Variants in ADGRL3 observed in about 807,000 individuals in gnomAD.
The protein encoded by ADGRL3 is adhesion G protein-coupled receptor L3.
A neutral mutation model predicts 153.5 loss-of-function variants in ADGRL3; 62 were observed. The observed-to-expected ratio is 0.40, with a 90% confidence interval of 0.33 to 0.50. The LOEUF (loss-of-function observed/expected upper bound fraction) is 0.50, where lower values mean the gene tolerates loss of function less well. Ranked by LOEUF, ADGRL3 falls within the 20% of genes least tolerant of loss-of-function variation. The pLI is 0.47. For synonymous variants in ADGRL3, 710 were observed against 672.5 expected (o/e 1.06, Z -0.86); for missense variants, 1,641 against 1,859.4 (o/e 0.88, Z 2.16).
chr4:61,421,051 C>T (rs527268772), intron 2 of ADGRL3, among the ~76,000 whole-genome samples: 2 of 152,204 alleles, frequency 1.3e-5, no homozygotes, highest in South Asian at 2.1e-4. Flanking sequence ...TGGCTCACAC[C>T]TGTAATCCCA....
At chr4:61,636,511 A>G (rs7675385) in intron 5 of ADGRL3, among the ~76,000 whole-genome samples, 61,030 of 151,854 alleles carry the variant, frequency 0.4, 13,679 homozygotes, top group African/African-American at 0.58. Context: ...CCACCAAAAT[A>G]TCTTTTAAAA....
intron 25 of ADGRL3, among the ~76,000 whole-genome samples, chr4:62,052,870 G>A (rs1260911042): frequency 3.3e-5 from 5 of 150,894 alleles, no homozygotes; most frequent in Non-Finnish European, 7.4e-5. Flanking sequence ...AGTAATGCCT[G>A]GAATAAGTAG....
At chr4:61,468,695 A>G (rs375132162) in intron 2 of ADGRL3, among the ~76,000 whole-genome samples, 3 of 152,216 alleles carry the variant, frequency 2.0e-5, no homozygotes, top group East Asian at 3.9e-4. Context: ...GTGAGACACC[A>G]TGGTTTCTTG....
rs185556418 is a variant in ADGRL3 at position 61,660,262 on chromosome 4, T to C, written c.474-16564T>C. On this transcript the variant is annotated intron_variant, in intron 5 of 26. Transcript: ENST00000683033. ...TACAGTTTCCCACACCATGTTAACT[T>C]TGATGTAAGGAGGTAAAGCTCTGTC... is the stretch of plus-strand genomic sequence containing the variant. 1.3e-3 allele frequency among the ~76,000 whole-genome samples: 205 copies of C among 152,298 alleles called. 2 individuals carry two copies. In the East Asian group the frequency reaches 0.024, roughly 17 times the overall value.
chr4:61,356,414 C>G (rs1329140687), intron 1 of ADGRL3, among the ~76,000 whole-genome samples: 1 of 151,524 alleles, frequency 6.6e-6, no homozygotes, highest in Non-Finnish European at 1.5e-5. Context: ...AAAAGTGATT[C>G]TAGATATTAA....
Position 61,945,589 on chromosome 4 carries a change from T to C in ADGRL3, c.2420-1325T>C, listed in dbSNP as rs536496728. 2.9e-3 allele frequency among the ~76,000 whole-genome samples: 384 copies of C among 133,818 alleles called. 5 individuals are homozygous for C. Among genetic ancestry groups the C allele is most frequent in the South Asian group, 0.026 (93 of 3,574 alleles). The allele number at this position is 133,818 out of a possible 152,430, so 87.8% of individuals were successfully genotyped here. Reference sequence around the variant, plus strand: ...ACTGCTGTGCTAGCAATCAGCGAGATTCCGTGGGCGTAGGACCCTCTGAGC... The same window carrying C: ...ACTGCTGTGCTAGCAATCAGCGAGACTCCGTGGGCGTAGGACCCTCTGAGC... On this transcript the variant is annotated intron_variant, in intron 15 of 26. Transcript: ENST00000683033.
rs2097989943 is a variant in ADGRL3, at chr4:61,473,212, TGTGTGTGTG to T, written c.-173-23908_-173-23900del. Among the ~76,000 whole-genome samples the T allele has an allele frequency of 7.6e-3, 4 of 524 alleles. No homozygotes were observed. The Admixed American group carries it at 0.12, about 15-fold the overall frequency. The allele number at this position is 524 out of a possible 152,430, so 0.3% of individuals were successfully genotyped here. On this transcript the variant is annotated intron_variant, in intron 2 of 26. Transcript: ENST00000683033. ...AAAAACACCTATTTGTATGTGTTTG[TGTGTGTGTG>T]TGTGTGTGTGTGTGTGTGTGTGGTC...
At chr4:61,926,102 G>A (rs1405554977) in intron 13 of ADGRL3, among the ~76,000 whole-genome samples, 2 of 151,976 alleles carry the variant, frequency 1.3e-5, no homozygotes, top group Non-Finnish European at 2.9e-5. Flanking sequence ...ATAACACAAT[G>A]GTATTTGTGT....
In ADGRL3 at chr4:61,201,469, A is replaced by G. The variant is rs1231347508; in HGVS notation, c.-536A>G. On this transcript the variant is annotated 5_prime_UTR_variant, in exon 1 of 27. Coordinates refer to ENST00000683033, the MANE Select transcript of ADGRL3 (RefSeq NM_001387552.1). ...CCCCCTTGGGGTGTGTGAAGCGAGG[A>G]ACGTAAAGGAAGGCGAACATTTGGC... 6.6e-6 allele frequency: 1 copy of G among 152,312 alleles called. No individual in the cohort carries two copies. The highest frequency in any genetic ancestry group is 1.5e-5 in the Non-Finnish European group (1 of 68,048). The allele number at this position is 152,312 out of a possible 1,614,324, so 9.4% of individuals were successfully genotyped here.
chr4:61,817,221 G>T (rs1167064012), intron 9 of ADGRL3, among the ~76,000 whole-genome samples: 1 of 151,018 alleles, frequency 6.6e-6, no homozygotes, highest in African/African-American at 2.4e-5. Context: ...GAGGCAGACA[G>T]GTTCCCGGGC....
intron 1 of ADGRL3, among the ~76,000 whole-genome samples, chr4:61,231,427 G>T (rs1399907135): frequency 1.3e-5 from 2 of 152,190 alleles, no homozygotes; most frequent in Admixed American, 1.3e-4. Flanking sequence ...AATTTCTAGG[G>T]GTTGTGGGGG....
chr4:61,679,424 G>A (rs762876260), intron 6 of ADGRL3, among the ~76,000 whole-genome samples: 1 of 151,868 alleles, frequency 6.6e-6, no homozygotes, highest in Admixed American at 6.6e-5. Context: ...CAAAAAGCTA[G>A]GTCCTTTTCC....
At chr4:61,825,218 A>G (rs2097790020) in intron 9 of ADGRL3, among the ~76,000 whole-genome samples, 1 of 152,228 alleles carries the variant, frequency 6.6e-6, no homozygotes, top group Admixed American at 6.5e-5. Context: ...CCTGCATTTA[A>G]TCCTGATATC....
At position 61,869,936 on chromosome 4, in the gene ADGRL3, T is replaced by TAAAAAA. The variant is rs1190618911; in HGVS notation, c.1481-22700_1481-22695dup. Among the ~76,000 whole-genome samples the TAAAAAA allele has an allele frequency of 2.9e-3, 30 of 10,506 alleles. 9 individuals carry two copies. Among genetic ancestry groups the TAAAAAA allele is most frequent in the Non-Finnish European group, 5.4e-3 (21 of 3,912 alleles). 6.9% of individuals were successfully genotyped at this position (10,506 alleles called of 152,430 possible). On this transcript the variant is annotated intron_variant, in intron 9 of 26. Transcript: ENST00000683033. Reference sequence around the variant, plus strand: ...CTGGGCAACAAGAGCAAAACTTTGTTAAAAAAAAAAAAAAAAAAAAAAAAA... The same window carrying TAAAAAA: ...CTGGGCAACAAGAGCAAAACTTTGTTAAAAAAAAAAAAAAAAAAAAAAAAAAAAAAA...
At chr4:61,913,639 A>T (rs2098732333) in intron 13 of ADGRL3, among the ~76,000 whole-genome samples, 1 of 152,142 alleles carries the variant, frequency 6.6e-6, no homozygotes, top group African/African-American at 2.4e-5. Flanking sequence ...ACTTTTTTTA[A>T]CCAAAACTCT....
chr4:61,646,605 G>A (rs537620991), intron 5 of ADGRL3, among the ~76,000 whole-genome samples: 1 of 151,816 alleles, frequency 6.6e-6, no homozygotes, highest in South Asian at 2.1e-4. Context: ...CAGGGGTCAG[G>A]GACCCACTTG....
At chr4:61,229,005 T>C (rs887643988) in intron 1 of ADGRL3, among the ~76,000 whole-genome samples, 10 of 152,320 alleles carry the variant, frequency 6.6e-5, no homozygotes, top group African/African-American at 2.2e-4. Context: ...TATTTATCTT[T>C]GTGTGCTTCA....
rs866882133 is a variant in ADGRL3, at chr4:62,009,128, A to C, written c.3395+10863A>C. ...ACATTTCTCAGAATATATTCCCATC[A>C]TTAAATGACACATGACTGTATATGC... On this transcript the variant is annotated intron_variant, in intron 21 of 26. Transcript: ENST00000683033. 6.6e-5 allele frequency among the ~76,000 whole-genome samples: 10 copies of C among 152,304 alleles called. No homozygotes were observed. In the South Asian group the frequency reaches 1.0e-3, roughly 16 times the overall value.
At chr4:61,510,501 T>C (rs2098457757) in intron 3 of ADGRL3, among the ~76,000 whole-genome samples, 1 of 152,218 alleles carries the variant, frequency 6.6e-6, no homozygotes, top group African/African-American at 2.4e-5. Context: ...CCTAACACCG[T>C]TTATTAAATA....
Sources: gnomAD v4.1 joint callset for allele counts (sites outside exome capture counted in the v4.1 genomes callset) on GRCh38, gnomAD v4.1.1 for gene constraint, MANE v1.5 for transcripts, NCBI Gene and HGNC (gene_info 2026-07-23, HGNC 2026-07-21) for gene names.